Variants in FBXW7 observed in about 807,000 individuals in gnomAD.
FBXW7 encodes the protein F-box and WD repeat domain containing 7.
Under a neutral mutation model 86.3 loss-of-function variants are expected in FBXW7, and 11 were observed. That is an observed-to-expected ratio of 0.13 (90% CI 0.08 to 0.21). FBXW7 has a LOEUF of 0.21. Among genes scored for constraint, FBXW7 ranks in the 10% least tolerant of loss-of-function variants. The probability of loss-of-function intolerance (pLI) is 1.00; values close to 1 mark genes in which losing one functional copy is unlikely to be tolerated. For synonymous variants in FBXW7, 313 were observed against 297.9 expected (o/e 1.05, Z -0.52); for missense variants, 488 against 847.4 (o/e 0.58, Z 5.27).
chr4:152,419,813 A>T (rs1256745714), intron 2 of FBXW7, among the ~76,000 whole-genome samples: 1 of 151,852 alleles, frequency 6.6e-6, no homozygotes, highest in East Asian at 1.9e-4. Context: ...CATTATGTGT[A>T]AAAAAAATGT....
chr4:152,465,961 T>C (rs1165734545), intron 2 of FBXW7, among the ~76,000 whole-genome samples: 1 of 152,056 alleles, frequency 6.6e-6, no homozygotes, highest in Non-Finnish European at 1.5e-5. Context: ...ATCCTAGCAC[T>C]ATAAAATCTC....
chr4:152,358,507 A>C (rs1279070368), intron 4 of FBXW7, among the ~76,000 whole-genome samples: 1 of 151,930 alleles, frequency 6.6e-6, no homozygotes, highest in Non-Finnish European at 1.5e-5. Context: ...AGAGAGCTAA[A>C]GACTAAAAAA....
At chr4:152,497,554 CT>C (rs1239276783) in intron 2 of FBXW7, among the ~76,000 whole-genome samples, 2 of 151,910 alleles carry the variant, frequency 1.3e-5, no homozygotes, top group African/African-American at 4.8e-5. Context: ...TTCAACTTTA[CT>C]ATAAATCAAA....
intron 6 of FBXW7, among the ~76,000 whole-genome samples, chr4:152,339,040 A>G (rs1270071048): frequency 2.0e-5 from 3 of 152,186 alleles, no homozygotes; most frequent in Non-Finnish European, 4.4e-5. Context: ...AATACTTTTT[A>G]AAGTATTTAC....
At chr4:152,530,344 C>A (rs907924528) in intron 2 of FBXW7, 1 of 152,096 alleles carries the variant, frequency 6.6e-6, no homozygotes, top group African/African-American at 2.4e-5. Flanking sequence ...TCATATTATT[C>A]AAACCAACCA....
At chr4:152,385,672 T>C (rs571469001) in intron 4 of FBXW7, among the ~76,000 whole-genome samples, 1 of 152,196 alleles carries the variant, frequency 6.6e-6, no homozygotes, top group East Asian at 1.9e-4. Context: ...AGGCTGTTTG[T>C]ACCTCAAATG....
chr4:152,340,197 A>G (rs1730581079), intron 6 of FBXW7, among the ~76,000 whole-genome samples: 1 of 152,210 alleles, frequency 6.6e-6, no homozygotes, highest in African/African-American at 2.4e-5. Context: ...AGAATCTTTA[A>G]TAAGAACCAG....
At chr4:152,434,156 C>A (rs1479658158) in intron 2 of FBXW7, among the ~76,000 whole-genome samples, 1 of 152,104 alleles carries the variant, frequency 6.6e-6, no homozygotes, top group East Asian at 1.9e-4. Flanking sequence ...GGAACCAATC[C>A]CCTGCAGATA....
Position 152,535,396 on chromosome 4 carries a change from G to A in FBXW7, c.-482C>T, listed in dbSNP as rs965478258. ...GCCAAGGGAGAAGACCCCCGGAGGG[G>A]GCTGAGGGGAGGGGGAAGGTGAGGA... is the stretch of plus-strand genomic sequence containing the variant. On this transcript the variant is annotated 5_prime_UTR_variant, in exon 1 of 14. Coordinates refer to ENST00000281708, the MANE Select transcript of FBXW7 (RefSeq NM_001349798.2). 3.1e-5 allele frequency: 12 copies of A among 385,430 alleles called. No individual in the cohort carries two copies. Among genetic ancestry groups the A allele is most frequent in the East Asian group, 1.8e-4 (5 of 27,356 alleles). 23.9% of individuals were successfully genotyped at this position (385,430 alleles called of 1,614,324 possible).
intron 4 of FBXW7, among the ~76,000 whole-genome samples, chr4:152,362,582 AG>A (rs954674228): frequency 7.2e-5 from 11 of 152,058 alleles, no homozygotes; most frequent in Non-Finnish European, 1.6e-4. Context: ...AGGCTGAGGC[AG>A]GTGGATCATA....
intron 4 of FBXW7, among the ~76,000 whole-genome samples, chr4:152,407,846 A>C (rs1737563064): frequency 6.6e-6 from 1 of 152,120 alleles, no homozygotes; most frequent in Non-Finnish European, 1.5e-5. Flanking sequence ...CTGGAACCAC[A>C]GGCGCATGCC....
At position 152,322,608 on chromosome 4, in the gene FBXW7, A is replaced by T; in HGVS notation, c.*273T>A. The T allele has an allele frequency of 2.3e-6, 1 of 441,788 alleles. No homozygotes were observed. Among genetic ancestry groups the T allele is most frequent in the African/African-American group, 1.9e-5 (1 of 51,298 alleles). The allele number at this position is 441,788 out of a possible 1,614,324, so 27.4% of individuals were successfully genotyped here. ...GAAATAATTGCACCTGGTTTGATTTAGAAAGTCTCATTTTGCAAAGCTGCC... is the reference window on the plus strand; with the variant it reads ...GAAATAATTGCACCTGGTTTGATTTTGAAAGTCTCATTTTGCAAAGCTGCC... On this transcript the variant is annotated 3_prime_UTR_variant, in exon 14 of 14. Coordinates refer to ENST00000281708, the MANE Select transcript of FBXW7 (RefSeq NM_001349798.2).
At chr4:152,437,300 G>A (rs1740469920) in intron 2 of FBXW7, among the ~76,000 whole-genome samples, 1 of 151,976 alleles carries the variant, frequency 6.6e-6, no homozygotes, top group East Asian at 1.9e-4. Flanking sequence ...ACTTGAACCC[G>A]GCAGGCGCAA....
chr4:152,354,942 G>A (rs2126673952), intron 4 of FBXW7, among the ~76,000 whole-genome samples: 1 of 152,116 alleles, frequency 6.6e-6, no homozygotes, highest in East Asian at 1.9e-4. Flanking sequence ...TCCTTTAAGT[G>A]AGAAATGCGA....
At chr4:152,420,875 C>T (rs1412832004) in intron 2 of FBXW7, among the ~76,000 whole-genome samples, 1 of 152,130 alleles carries the variant, frequency 6.6e-6, no homozygotes, top group African/African-American at 2.4e-5. Flanking sequence ...TTCGGAATGA[C>T]CAATGAGCAC....
At chr4:152,341,071 T>C (rs1362291684) in intron 6 of FBXW7, among the ~76,000 whole-genome samples, 1 of 152,194 alleles carries the variant, frequency 6.6e-6, no homozygotes, top group Non-Finnish European at 1.5e-5. Context: ...ACCTAGATTA[T>C]TCCTGTAACT....
intron 4 of FBXW7, among the ~76,000 whole-genome samples, chr4:152,351,325 A>G (rs1357191001): frequency 6.6e-6 from 1 of 152,076 alleles, no homozygotes; most frequent in African/African-American, 2.4e-5. Context: ...TACTAGGATG[A>G]TCTTACGACA....
At chr4:152,379,006 A>C (rs1158106884) in intron 4 of FBXW7, among the ~76,000 whole-genome samples, 1 of 152,082 alleles carries the variant, frequency 6.6e-6, no homozygotes, top group African/African-American at 2.4e-5. Flanking sequence ...ACACTGTCCC[A>C]AAAAAAGCAA....
chr4:152,428,135 T>G (rs2126938694), intron 2 of FBXW7, among the ~76,000 whole-genome samples: 1 of 152,314 alleles, frequency 6.6e-6, no homozygotes, highest in South Asian at 2.1e-4. Context: ...AGTCAAGATT[T>G]GAATTAGGTA....
Sources: gnomAD v4.1 joint callset for allele counts (sites outside exome capture counted in the v4.1 genomes callset) on GRCh38, gnomAD v4.1.1 for gene constraint, MANE v1.5 for transcripts, NCBI Gene and HGNC (gene_info 2026-07-23, HGNC 2026-07-21) for gene names.